Variants in PITPNB observed in about 807,000 individuals in gnomAD.
PITPNB encodes the protein phosphatidylinositol transfer protein beta isoform.
PITPNB carries 16 observed loss-of-function variants against 45.9 expected under a neutral mutation model. That is an observed-to-expected ratio of 0.35 (90% confidence interval 0.24 to 0.53). The LOEUF (loss-of-function observed/expected upper bound fraction) is 0.53. PITPNB is among the 20% of genes least tolerant of loss of function. PITPNB has a pLI of 0.93. For synonymous variants in PITPNB, 112 were observed against 108.9 expected (o/e 1.03, Z -0.18); for missense variants, 188 against 330.5 (o/e 0.57, Z 3.34).
At chr22:27,878,205 A>T (rs2146372852) in intron 7 of PITPNB, among the ~76,000 whole-genome samples, 1 of 152,360 alleles carries the variant, frequency 6.6e-6, no homozygotes, top group East Asian at 1.9e-4. Flanking sequence ...AAGCTGAATT[A>T]AATATGAAGA....
At chr22:27,870,046 A>T (rs1315642929) in intron 8 of PITPNB, among the ~76,000 whole-genome samples, 1 of 152,262 alleles carries the variant, frequency 6.6e-6, no homozygotes, top group Admixed American at 6.5e-5. Context: ...TAAAAGGTAC[A>T]GAACGGTGAT....
At chr22:27,903,398 G>C (rs1290818066) in intron 3 of PITPNB, among the ~76,000 whole-genome samples, 2 of 151,352 alleles carry the variant, frequency 1.3e-5, no homozygotes, top group African/African-American at 4.9e-5. Flanking sequence ...GAACCCGGAA[G>C]GCGGAGGTTG....
At chr22:27,888,398 T>C (rs1935184370) in intron 7 of PITPNB, among the ~76,000 whole-genome samples, 1 of 152,240 alleles carries the variant, frequency 6.6e-6, no homozygotes, top group South Asian at 2.1e-4. Context: ...TCTGCTAGAC[T>C]AGCAACAGTT....
At chr22:27,897,084 G>A (rs1240856472) in intron 5 of PITPNB, 46 bp downstream of exon 5, 6 of 1,337,522 alleles carry the variant, frequency 4.5e-6, no homozygotes, top group African/African-American at 1.4e-5. Context: ...GTAAAACAAA[G>A]TTTAAAGATA....
chr22:27,903,519 T>A (rs1047542820), intron 3 of PITPNB, among the ~76,000 whole-genome samples: 1 of 149,356 alleles, frequency 6.7e-6, no homozygotes, highest in Admixed American at 6.7e-5. Context: ...CTCACACCTG[T>A]AATCCCAGTA....
intron 1 of PITPNB, among the ~76,000 whole-genome samples, chr22:27,916,046 G>A (rs1936064704): frequency 1.3e-5 from 2 of 152,302 alleles, no homozygotes; most frequent in South Asian, 4.1e-4. Context: ...ATGGACTGCA[G>A]AGGGAATGGA....
intron 6 of PITPNB, among the ~76,000 whole-genome samples, chr22:27,896,319 C>T (rs886129815): frequency 5.9e-5 from 9 of 152,234 alleles, no homozygotes; most frequent in South Asian, 2.1e-4. Context: ...CTCCTTGTCT[C>T]GGATAAAGAG....
At chr22:27,901,281 G>A (rs779429083) in intron 3 of PITPNB, among the ~76,000 whole-genome samples, 5 of 152,102 alleles carry the variant, frequency 3.3e-5, no homozygotes, top group Non-Finnish European at 5.9e-5. Flanking sequence ...TACACTGAAC[G>A]CCTGATCTAG....
At chr22:27,886,020 G>T (rs558298121) in intron 7 of PITPNB, among the ~76,000 whole-genome samples, 1 of 152,200 alleles carries the variant, frequency 6.6e-6, no homozygotes, top group South Asian at 2.1e-4. Context: ...AAAACAAGGG[G>T]CTCTGAGGAT....
Position 27,870,148 on chromosome 22 carries a change from G to A in PITPNB, c.534+3590C>T, listed in dbSNP as rs1367910703. Among the ~76,000 whole-genome samples, 4 of 152,110 alleles carry A rather than the reference G, an allele frequency of 2.6e-5. No individual in the cohort carries two copies. In the East Asian group the frequency reaches 7.7e-4, roughly 29 times the overall value. ...CCACCGAATCAGGTGTTCCAGAAAT[G>A]GCAGACATTCTGCTGTTTCTCCTAC... On this transcript the variant is annotated intron_variant, in intron 8 of 11. Transcript: ENST00000335272.
chr22:27,914,399 C>T (rs1006813532), intron 1 of PITPNB, 52 bp from the exon 2 acceptor site: 2 of 1,101,000 alleles, frequency 1.8e-6, no homozygotes, highest in Admixed American at 1.9e-5. Context: ...TAGCTTTAAA[C>T]ACAGATCTCT....
chr22:27,881,251 A>G (rs1934963959), intron 7 of PITPNB, among the ~76,000 whole-genome samples: 1 of 152,210 alleles, frequency 6.6e-6, no homozygotes, highest in Non-Finnish European at 1.5e-5. Flanking sequence ...TGGCAAACAG[A>G]AATTTCTTAA....
chr22:27,867,490 C>A (rs1380657805), intron 8 of PITPNB, among the ~76,000 whole-genome samples: 2 of 152,130 alleles, frequency 1.3e-5, no homozygotes, highest in African/African-American at 4.8e-5. Context: ...GAAATAAGAT[C>A]CAGACAGGAA....
chr22:27,916,317 C>A (rs1936073146), intron 1 of PITPNB, among the ~76,000 whole-genome samples: 1 of 152,134 alleles, frequency 6.6e-6, no homozygotes, highest in Non-Finnish European at 1.5e-5. Flanking sequence ...ATTCTAAAAG[C>A]AGTATTCAAC....
chr22:27,863,969 C>G (rs1310936954), intron 8 of PITPNB, among the ~76,000 whole-genome samples: 1 of 152,140 alleles, frequency 6.6e-6, no homozygotes, highest in Non-Finnish European at 1.5e-5. Context: ...AGATATCTTT[C>G]CAGATCTAAA....
chr22:27,875,040 A>G (rs993272949), intron 7 of PITPNB, among the ~76,000 whole-genome samples: 1 of 152,256 alleles, frequency 6.6e-6, no homozygotes, highest in Admixed American at 6.5e-5. Context: ...TCAAAACTCA[A>G]CAGTTACTCA....
intron 11 of PITPNB, 29 bp downstream of exon 11, chr22:27,854,825 A>G: frequency 6.9e-7 from 1 of 1,448,270 alleles, no homozygotes; most frequent in Non-Finnish European, 9.7e-7. Flanking sequence ...CAGGTTTCGA[A>G]ACATCTTTTT....
chr22:27,864,956 A>G (rs978401355), intron 8 of PITPNB, among the ~76,000 whole-genome samples: 4 of 151,474 alleles, frequency 2.6e-5, no homozygotes, highest in African/African-American at 4.9e-5. Context: ...CAAAAAAAAG[A>G]AAAAAAAAGA....
intron 9 of PITPNB, among the ~76,000 whole-genome samples, chr22:27,858,999 C>T (rs1934245480): frequency 6.6e-6 from 1 of 152,104 alleles, no homozygotes; most frequent in Non-Finnish European, 1.5e-5. Context: ...AATTTTTCTA[C>T]ACAACATGTT....
Sources: gnomAD v4.1 joint callset for allele counts (sites outside exome capture counted in the v4.1 genomes callset) on GRCh38, gnomAD v4.1.1 for gene constraint, MANE v1.5 for transcripts, NCBI Gene and HGNC (gene_info 2026-07-23, HGNC 2026-07-21) for gene names.